The following COA5 variants were observed in gnomAD, a reference collection of about 807,000 sequenced individuals.
COA5 encodes the protein protein C2orf64.
A neutral mutation model predicts 11.8 loss-of-function variants in COA5; 11 were observed. That is an observed-to-expected ratio of 0.93 (90% CI 0.59 to 1.54). The LOEUF is 1.54. COA5 is among the 40% of genes most tolerant of loss of function. The pLI is 0.00. For synonymous variants in COA5, 38 were observed against 37.5 expected (o/e 1.01, Z -0.05); for missense variants, 87 against 89.2 (o/e 0.97, Z 0.10).
intron 1 of COA5, among the ~76,000 whole-genome samples, chr2:98,607,311 C>G (rs1240708671): frequency 6.6e-6 from 1 of 152,200 alleles, no homozygotes; most frequent in African/African-American, 2.4e-5. Context: ...GGACACAGCC[C>G]TGGACAGGGG....
intron 2 of COA5, 114 bp from the exon 3 acceptor site, chr2:98,600,907 C>A (rs1470735541): frequency 2.7e-6 from 2 of 727,730 alleles, no homozygotes; most frequent in South Asian, 1.5e-5. Context: ...TTAGCAAAAT[C>A]AAAAAGGTGA....
At chr2:98,605,628 T>C (rs1559145076) in intron 1 of COA5, 2 of 152,232 alleles carry the variant, frequency 1.3e-5, no homozygotes, top group Admixed American at 6.5e-5. Context: ...CCAAGCTTTT[T>C]TGCCTTCTGA....
chr2:98,602,870 G>A (rs987222043), intron 2 of COA5, among the ~76,000 whole-genome samples: 1 of 152,110 alleles, frequency 6.6e-6, no homozygotes, highest in East Asian at 1.9e-4. Context: ...AATTTCAGAG[G>A]GTTTACTGCA....
chr2:98,607,338 T>C (rs1700720953), intron 1 of COA5, among the ~76,000 whole-genome samples: 1 of 152,202 alleles, frequency 6.6e-6, no homozygotes, highest in Non-Finnish European at 1.5e-5. Context: ...AAAACAACGG[T>C]ACTTCAGTTT....
chr2:98,607,080 A>G (rs1470785202), intron 1 of COA5, among the ~76,000 whole-genome samples: 1 of 152,186 alleles, frequency 6.6e-6, no homozygotes, highest in Non-Finnish European at 1.5e-5. Context: ...TTTTCTCCTC[A>G]AGATCTAGTC....
chr2:98,600,750 C>T lies in COA5; in HGVS notation c.*2G>A, dbSNP rs1398658984. The T allele has an allele frequency of 6.2e-7, 1 of 1,609,592 alleles. No homozygotes were observed. On this transcript the variant is annotated 3_prime_UTR_variant, in exon 3 of 3. Coordinates refer to ENST00000328709, the MANE Select transcript of COA5 (RefSeq NM_001008215.3). ...TTTCCATGTTGGCTTCAACATAATG[C>T]ATCAATATCCTTTTCTTCCTCTGAA... is the stretch of plus-strand genomic sequence containing the variant.
rs990503385 is a variant in COA5, at chr2:98,599,530, T to G, written c.*1222A>C. On this transcript the variant is annotated 3_prime_UTR_variant, in exon 3 of 3. Transcript: ENST00000328709. ...TACACAACAGACCTTTGTGATATTC[T>G]GCAACAATGACCCATATTGCTGTGG... 20 of 152,354 alleles carry G rather than the reference T, an allele frequency of 1.3e-4. No homozygotes were observed. The highest frequency in any genetic ancestry group is 4.8e-4 in the African/African-American group (20 of 41,580). The allele number at this position is 152,354 out of a possible 1,614,324, so 9.4% of individuals were successfully genotyped here.
chr2:98,601,419 C>G (rs1344946847), intron 2 of COA5, among the ~76,000 whole-genome samples: 1 of 152,060 alleles, frequency 6.6e-6, no homozygotes, highest in Non-Finnish European at 1.5e-5. Flanking sequence ...CTTTAAATTG[C>G]AACTGATGAG....
chr2:98,607,334 A>G (rs985508571), intron 1 of COA5, among the ~76,000 whole-genome samples: 15 of 152,204 alleles, frequency 9.9e-5, no homozygotes, highest in Admixed American at 4.6e-4. Flanking sequence ...CCTGAAAACA[A>G]CGGTACTTCA....
intron 1 of COA5, among the ~76,000 whole-genome samples, chr2:98,606,831 A>G (rs531982468): frequency 2.9e-4 from 44 of 152,074 alleles, no homozygotes; most frequent in Non-Finnish European, 4.1e-4. Context: ...CCTGGCTGCA[A>G]CCTTCCCCTC....
At chr2:98,603,838 A>G (rs750017576) in intron 2 of COA5, among the ~76,000 whole-genome samples, 1 of 152,214 alleles carries the variant, frequency 6.6e-6, no homozygotes, top group Non-Finnish European at 1.5e-5. Flanking sequence ...TTTTACCCGT[A>G]TATACCTGCC....
chr2:98,601,003 T>C (rs535892217), intron 2 of COA5, among the ~76,000 whole-genome samples: 1 of 152,230 alleles, frequency 6.6e-6, no homozygotes, highest in East Asian at 1.9e-4. Context: ...CCCAGCACTT[T>C]GGGATGATGA....
At chr2:98,607,246 G>C (rs1190538563) in intron 1 of COA5, among the ~76,000 whole-genome samples, 1 of 152,282 alleles carries the variant, frequency 6.6e-6, no homozygotes, top group South Asian at 2.1e-4. Context: ...TGCCACTTAA[G>C]AGGCATTTAC....
rs887644268 is a variant in COA5, at chr2:98,599,547, T to C, written c.*1205A>G. 2.0e-5 allele frequency: 3 copies of C among 152,220 alleles called. No homozygotes were observed. Among genetic ancestry groups the C allele is most frequent in the African/African-American group, 7.2e-5 (3 of 41,452 alleles). 9.4% of individuals were successfully genotyped at this position (152,220 alleles called of 1,614,324 possible). A position where few individuals can be genotyped will look rare whatever the true frequency, so the allele number is the denominator to read the frequency against. On this transcript the variant is annotated 3_prime_UTR_variant, in exon 3 of 3. Transcript: ENST00000328709. The stretch of plus-strand genomic sequence containing the variant: ...TGATATTCTGCAACAATGACCCATA[T>C]TGCTGTGGAATTCTCACTTTTTAGT...
At chr2:98,604,217 A>G (rs764069753) in intron 1 of COA5, 26 bp from the exon 2 acceptor site, 1 of 1,545,978 alleles carries the variant, frequency 6.5e-7, no homozygotes, top group Non-Finnish European at 8.9e-7. Flanking sequence ...AAAACAATAT[A>G]AACACCTTGG....
intron 2 of COA5, among the ~76,000 whole-genome samples, chr2:98,601,360 A>T (rs909589650): frequency 6.6e-6 from 1 of 152,234 alleles, no homozygotes; most frequent in Non-Finnish European, 1.5e-5. Context: ...TCTTCTTCTA[A>T]AAAACTTAAC....
intron 1 of COA5, chr2:98,604,938 C>G (rs1214417454): frequency 6.6e-6 from 1 of 152,312 alleles, no homozygotes; most frequent in East Asian, 1.9e-4. Flanking sequence ...CTCTGCAATT[C>G]TGCTGGTGGG....
intron 1 of COA5, 88 bp downstream of exon 1, chr2:98,608,219 C>A: frequency 1.0e-6 from 1 of 1,004,262 alleles, no homozygotes; most frequent in East Asian, 2.6e-5. Context: ...TAACTCCAAC[C>A]GCCGCCGCGG....
Position 98,604,184 on chromosome 2 carries a change from T to C in COA5, c.107A>G (p.Lys36Arg). The C allele has an allele frequency of 1.2e-6, 2 of 1,613,164 alleles. No homozygotes were observed. The highest frequency in any genetic ancestry group is 1.7e-4 in the Middle Eastern group (1 of 6,016). Residue 36 changes from lysine to arginine, a missense_variant, in exon 2 of 3, where the codon AAA becomes AGA. Transcript: ENST00000328709. The stretch of plus-strand genomic sequence containing the variant: ...TTCCTTCAAACACTGCCGAGGTGAT[T>C]TTCCTTCCTATGACAGACACATAAA... ...LQSDCVVQEG[K>R]SPRQCLKEGY...
Sources: gnomAD v4.1 joint callset for allele counts (sites outside exome capture counted in the v4.1 genomes callset) on GRCh38, gnomAD v4.1.1 for gene constraint, MANE v1.5 for transcripts, NCBI Gene and HGNC (gene_info 2026-07-23, HGNC 2026-07-21) for gene names.